The following TEX11 variants were observed in gnomAD, a reference collection of about 807,000 sequenced individuals.
TEX11 encodes the protein testis-expressed protein 11.
A neutral mutation model predicts 84.4 loss-of-function variants in TEX11; 7 were observed. The ratio of observed to expected loss-of-function variants is 0.08; its 90% CI spans 0.05 to 0.16. The LOEUF is 0.16. TEX11 is among the 10% of genes least tolerant of loss of function. TEX11 has a pLI of 1.00. For synonymous variants in TEX11, 264 were observed against 222.8 expected (o/e 1.18, Z -1.64); for missense variants, 551 against 660.5 (o/e 0.83, Z 1.82).
intron 20 of TEX11, among the ~76,000 whole-genome samples, chrX:70,618,639 G>A (rs1229865814): frequency 6.3e-5 from 7 of 111,670 alleles, no homozygotes; most frequent in African/African-American, 2.3e-4. Context: ...TAGCCCCAGG[G>A]TATGAGTTTC....
chrX:70,790,280 C>T (rs979974462), intron 9 of TEX11, among the ~76,000 whole-genome samples: 2 of 111,658 alleles, frequency 1.8e-5, no homozygotes, highest in Non-Finnish European at 1.9e-5. Context: ...TGAGAGAAAA[C>T]ACTGAAAGTC....
intron 26 of TEX11, 91 bp downstream of exon 26, chrX:70,554,560 C>A: frequency 4.4e-6 from 4 of 900,149 alleles, no homozygotes; most frequent in East Asian, 3.4e-5. Context: ...TATTTCCTAC[C>A]TGGAGGTAAG....
At chrX:70,639,508 T>C (rs2089621646) in intron 17 of TEX11, among the ~76,000 whole-genome samples, 1 of 112,128 alleles carries the variant, frequency 8.9e-6, no homozygotes, top group Admixed American at 9.4e-5. Flanking sequence ...TCTGCAGACT[T>C]AACTGTCCCT....
chrX:70,766,432 A>G (rs1199314255), intron 9 of TEX11, among the ~76,000 whole-genome samples: 1 of 110,040 alleles, frequency 9.1e-6, no homozygotes, highest in African/African-American at 3.3e-5. Context: ...AAAAAAAAGA[A>G]AGAAGCTCCA....
chrX:70,560,893 G>GTTTTTT lies in TEX11; in HGVS notation c.2141-6099_2141-6094dup, dbSNP rs745618647. On this transcript the variant is annotated intron_variant, in intron 25 of 29. Transcript: ENST00000374333. ...ACCACAGGTGCATGCCACCACACCG[G>GTTTTTT]TTTTTTTTTTTTTTTTTTTTTTTTT... is the stretch of plus-strand genomic sequence containing the variant. Among the ~76,000 whole-genome samples, 24 of 33,593 alleles carry GTTTTTT rather than the reference G, an allele frequency of 7.1e-4. 4 individuals carry two copies. The highest frequency in any genetic ancestry group is 1.8e-3 in the African/African-American group (13 of 7,239). 29.2% of individuals were successfully genotyped at this position (33,593 alleles called of 115,157 possible).
intron 11 of TEX11, among the ~76,000 whole-genome samples, chrX:70,729,077 T>C (rs2090622730): frequency 1.1e-5 from 1 of 91,080 alleles, no homozygotes; most frequent in Non-Finnish European, 2.2e-5. Context: ...TCTGGCAAAC[T>C]CCAATGCACC....
At chrX:70,712,252 A>C (rs1367184698) in intron 13 of TEX11, among the ~76,000 whole-genome samples, 1 of 111,694 alleles carries the variant, frequency 9.0e-6, no homozygotes, top group Non-Finnish European at 1.9e-5. Context: ...CTTTTGGCTG[A>C]GGATTCACTT....
At chrX:70,549,956 T>C (rs769757836) in intron 28 of TEX11, among the ~76,000 whole-genome samples, 2 of 112,419 alleles carry the variant, frequency 1.8e-5, no homozygotes, top group Admixed American at 1.9e-4. Context: ...TGAGACCCAG[T>C]GCTGTGCTGG....
At chrX:70,747,550 T>TGAC (rs1163267226) in intron 9 of TEX11, among the ~76,000 whole-genome samples, 2 of 111,708 alleles carry the variant, frequency 1.8e-5, no homozygotes, top group Non-Finnish European at 3.8e-5. Flanking sequence ...TTAAAAAGTG[T>TGAC]GACCTACACA....
At chrX:70,811,475 G>A (rs190636780) in intron 8 of TEX11, among the ~76,000 whole-genome samples, 8 of 111,663 alleles carry the variant, frequency 7.2e-5, no homozygotes, top group Non-Finnish European at 1.1e-4. Context: ...GAATAGTGCC[G>A]CAATAAACAT....
At chrX:70,567,022 T>C (rs978021436) in intron 25 of TEX11, among the ~76,000 whole-genome samples, 1 of 111,634 alleles carries the variant, frequency 9.0e-6, no homozygotes, top group Non-Finnish European at 1.9e-5. Flanking sequence ...CGGCTGTGAA[T>C]CCATCTGGTC....
chrX:70,898,267 T>G (rs2091784133), intron 2 of TEX11, among the ~76,000 whole-genome samples: 1 of 111,421 alleles, frequency 9.0e-6, no homozygotes, highest in Non-Finnish European at 1.9e-5. Context: ...GTGCTGTGAG[T>G]GGAAGACGCT....
chrX:70,529,808 A>T (rs1204307172), intron 29 of TEX11, 27 bp downstream of exon 29: 1 of 1,185,786 alleles, frequency 8.4e-7, no homozygotes, highest in East Asian at 3.0e-5. Flanking sequence ...AGGTCATGTC[A>T]TCTGCCCTAG....
chrX:70,738,041 C>T (rs1197273075), intron 11 of TEX11, among the ~76,000 whole-genome samples: 3 of 111,654 alleles, frequency 2.7e-5, no homozygotes, highest in Non-Finnish European at 5.6e-5. Context: ...TAGGCATAGG[C>T]AAAGACTTCA....
intron 2 of TEX11, among the ~76,000 whole-genome samples, chrX:70,881,912 C>A (rs749217852): frequency 2.0e-3 from 214 of 106,001 alleles, no homozygotes; most frequent in Non-Finnish European, 3.7e-3. Flanking sequence ...ACCTGCAGTC[C>A]CAGCTACTCC....
rs192876996 is a variant in TEX11, at chrX:70,725,387, T to C, written c.844-44A>G. 1.1e-4 allele frequency: 104 copies of C among 971,364 alleles called. No individual in the cohort carries two copies. The African/African-American group carries it at 1.6e-3, about 15-fold the overall frequency. 80.1% of individuals were successfully genotyped at this position (971,364 alleles called of 1,213,427 possible). ...TCACAATGATATTAAAATTGTGGAATGTAAAAGACAATTTTCAAGTAATTG... is the reference window on the plus strand; with the variant it reads ...TCACAATGATATTAAAATTGTGGAACGTAAAAGACAATTTTCAAGTAATTG... On this transcript the variant is annotated intron_variant, in intron 11 of 29. Transcript: ENST00000374333.
intron 25 of TEX11, among the ~76,000 whole-genome samples, chrX:70,586,212 T>C (rs1051747119): frequency 8.9e-6 from 1 of 112,457 alleles, no homozygotes; most frequent in South Asian, 3.6e-4. Flanking sequence ...GCTAAAACCA[T>C]AAAACTCTTA....
At chrX:70,702,817 T>A (rs1411987529) in intron 13 of TEX11, among the ~76,000 whole-genome samples, 6 of 111,518 alleles carry the variant, frequency 5.4e-5, no homozygotes, top group Non-Finnish European at 1.1e-4. Context: ...TTGGCCTTTT[T>A]TTTCACTCAA....
intron 28 of TEX11, among the ~76,000 whole-genome samples, chrX:70,551,764 TCTTCTGAGAAAGGATG>T (rs1052658307): frequency 2.7e-5 from 3 of 111,869 alleles, no homozygotes; most frequent in Non-Finnish European, 3.8e-5. Context: ...TTCCTTCTAC[TCTTCTGAGAAAGGATG>T]CTTCTGAGAA....
Sources: allele counts gnomAD v4.1 joint callset (sites outside exome capture counted in the v4.1 genomes callset), GRCh38; gene constraint gnomAD v4.1.1; transcripts MANE v1.5; gene names NCBI Gene and HGNC (gene_info 2026-07-23, HGNC 2026-07-21).